ZNF609: variants seen among roughly 807,000 people sequenced by gnomAD.
ZNF609 encodes the protein zinc finger protein 609.
In ZNF609, 11 loss-of-function variants were observed where a neutral mutation model predicts 109.5. That is an observed-to-expected ratio of 0.10 (90% confidence interval 0.06 to 0.17). ZNF609 has a LOEUF of 0.17. Ranked by LOEUF, ZNF609 falls within the 10% of genes least tolerant of loss-of-function variation. The pLI is 1.00. For synonymous variants in ZNF609, 646 were observed against 662.0 expected (o/e 0.98, Z 0.37); for missense variants, 1,559 against 1,772.4 (o/e 0.88, Z 2.16).
At chr15:64,491,323 C>T (rs1238809380) in intron 1 of ZNF609, among the ~76,000 whole-genome samples, 2 of 152,180 alleles carry the variant, frequency 1.3e-5, no homozygotes, top group Non-Finnish European at 2.9e-5. Context: ...CATACTGAAG[C>T]TGGCTAAGTA....
intron 2 of ZNF609, among the ~76,000 whole-genome samples, chr15:64,585,909 G>C (rs1184740080): frequency 6.6e-6 from 1 of 152,134 alleles, no homozygotes; most frequent in African/African-American, 2.4e-5. Context: ...GCGGTGGCAT[G>C]ATCATGGCTC....
chr15:64,593,276 C>A lies in ZNF609; in HGVS notation c.748-29551C>A, dbSNP rs191177377. The A allele has an allele frequency of 7.2e-3, 10,856 of 1,509,062 alleles. 41 individuals are homozygous for A. Among genetic ancestry groups the A allele is most frequent in the Admixed American group, 0.011 (653 of 59,882 alleles). 93.5% of individuals were successfully genotyped at this position (1,509,062 alleles called of 1,614,324 possible). On this transcript the variant is annotated intron_variant, in intron 2 of 9. Transcript: ENST00000326648. ...CCGCAAGGACCGAACACCCCCACCC[C>A]GATTTAGACCTGCGGGTGCTGCCCC... is the stretch of plus-strand genomic sequence containing the variant.
chr15:64,483,133 T>C (rs915973830), intron 1 of ZNF609, among the ~76,000 whole-genome samples: 5 of 152,136 alleles, frequency 3.3e-5, no homozygotes, highest in African/African-American at 1.2e-4. Context: ...TTCACTCTTA[T>C]CACCCAGGCT....
chr15:64,681,629 C>A, intron 9 of ZNF609, 63 bp from the exon 10 acceptor site: 1 of 389,758 alleles, frequency 2.6e-6, no homozygotes, highest in Non-Finnish European at 4.6e-6. Context: ...CTTGGAGTGC[C>A]ACCTTGTGGT....
At chr15:64,662,182 C>T (rs1896587323) in intron 3 of ZNF609, among the ~76,000 whole-genome samples, 1 of 152,188 alleles carries the variant, frequency 6.6e-6, no homozygotes. Context: ...TAAGTGTTCT[C>T]ACAAAATGGC....
At chr15:64,526,616 AT>A (rs200092334) in intron 2 of ZNF609, among the ~76,000 whole-genome samples, 24 of 148,646 alleles carry the variant, frequency 1.6e-4, no homozygotes, top group Admixed American at 4.7e-4. Context: ...TGAATATGGG[AT>A]TTTTTTTTTT....
At position 64,581,724 on chromosome 15, in the gene ZNF609, G is replaced by GGGCAAGT. The variant is rs567300798; in HGVS notation, c.748-41102_748-41096dup. 6.9e-4 allele frequency among the ~76,000 whole-genome samples: 105 copies of GGGCAAGT among 152,272 alleles called. 4 individuals carry two copies. Among genetic ancestry groups the GGGCAAGT allele is most frequent in the African/African-American group, 2.5e-3 (102 of 41,550 alleles). ...TTTTTCAGAGCAGGAGATGGGAGTA[G>GGGCAAGT]GGCAAGTTAAGGTGCTAACAAAGCT... On this transcript the variant is annotated intron_variant, in intron 2 of 9. Transcript: ENST00000326648.
chr15:64,584,353 C>T (rs642785), intron 2 of ZNF609, among the ~76,000 whole-genome samples: 131,661 of 152,076 alleles, frequency 0.87, 58,265 homozygotes, highest in East Asian at 0.96. Context: ...TGAGACAGAG[C>T]CTTGCTCTGT....
intron 2 of ZNF609, among the ~76,000 whole-genome samples, chr15:64,600,456 A>G (rs867007465): frequency 0.013 from 1,973 of 147,230 alleles, 50 homozygotes; most frequent in African/African-American, 0.046. Context: ...TCTCAAAAAA[A>G]AAAAAAAAAA....
At chr15:64,548,003 T>C (rs1894396592) in intron 2 of ZNF609, among the ~76,000 whole-genome samples, 1 of 152,178 alleles carries the variant, frequency 6.6e-6, no homozygotes, top group African/African-American at 2.4e-5. Context: ...TAATTAATTA[T>C]TCAATGATGA....
intron 2 of ZNF609, among the ~76,000 whole-genome samples, chr15:64,520,214 A>G (rs1893871892): frequency 6.6e-6 from 1 of 152,070 alleles, no homozygotes; most frequent in South Asian, 2.1e-4. Context: ...CAACAACACT[A>G]TTGGTATTTG....
chr15:64,650,113 CAAAAA>C (rs546871709), intron 3 of ZNF609, among the ~76,000 whole-genome samples: 5 of 85,402 alleles, frequency 5.9e-5, no homozygotes, highest in African/African-American at 1.5e-4. Context: ...GAACCCATCT[CAAAAA>C]AAAAAAAAAA....
chr15:64,528,130 C>T (rs1893997484), intron 2 of ZNF609, among the ~76,000 whole-genome samples: 1 of 151,054 alleles, frequency 6.6e-6, no homozygotes, highest in Non-Finnish European at 1.5e-5. Flanking sequence ...TGGAGTCTCG[C>T]TCTGTTGCCC....
chr15:64,520,791 C>A (rs958935092), intron 2 of ZNF609, among the ~76,000 whole-genome samples: 3 of 151,980 alleles, frequency 2.0e-5, no homozygotes, highest in Non-Finnish European at 4.4e-5. Flanking sequence ...TGGAATTCAA[C>A]CTAGGGAAAT....
chr15:64,620,877 G>C (rs1357043855), intron 2 of ZNF609, among the ~76,000 whole-genome samples: 1 of 152,206 alleles, frequency 6.6e-6, no homozygotes, highest in Admixed American at 6.5e-5. Context: ...CTCTGTGTGT[G>C]TTGTGGGAGG....
At chr15:64,618,896 C>A (rs1005484831) in intron 2 of ZNF609, among the ~76,000 whole-genome samples, 2 of 152,152 alleles carry the variant, frequency 1.3e-5, no homozygotes, top group Non-Finnish European at 2.9e-5. Context: ...GGGGCTGTGG[C>A]AGGCCAGGGT....
chr15:64,587,072 A>G (rs996361495), intron 2 of ZNF609, among the ~76,000 whole-genome samples: 2 of 152,228 alleles, frequency 1.3e-5, no homozygotes, highest in East Asian at 1.9e-4. Flanking sequence ...TGTTTAATCA[A>G]TATTTTAGGA....
rs371609249 is a variant in ZNF609 at position 64,675,309 on chromosome 15, A to G, written c.2455A>G (p.Thr819Ala). ...TAGCCGCCTTGAAAACACTACCCCT[A>G]CTCAGCCCCTGACTCCCTTACATGT... ...GSSRLENTTP[T>A]QPLTPLHVVT... Residue 819 changes from threonine (T) to alanine (A), a missense_variant, in exon 5 of 10, where the codon ACT becomes GCT. Coordinates refer to ENST00000326648, the MANE Select transcript of ZNF609 (RefSeq NM_015042.2). The G allele has an allele frequency of 4.3e-6, 7 of 1,613,724 alleles. No homozygotes were observed. In the African/African-American group the frequency reaches 8.0e-5, roughly 18 times the overall value.
chr15:64,584,028 A>C (rs913342233), intron 2 of ZNF609, among the ~76,000 whole-genome samples: 2 of 152,142 alleles, frequency 1.3e-5, no homozygotes, highest in African/African-American at 4.8e-5. Context: ...CTTGTCTGCT[A>C]TTCTCTTCTC....
Sources: allele counts gnomAD v4.1 joint callset (sites outside exome capture counted in the v4.1 genomes callset), GRCh38; gene constraint gnomAD v4.1.1; transcripts MANE v1.5; gene names NCBI Gene and HGNC (gene_info 2026-07-23, HGNC 2026-07-21).